The following TLCD4 variants were observed in gnomAD, a reference collection of about 807,000 sequenced individuals.
TLCD4 encodes the protein TLC domain containing 4.
In TLCD4, 7 loss-of-function variants were observed where a neutral mutation model predicts 24.2. That is an observed-to-expected ratio of 0.29 (90% CI 0.16 to 0.54). The LOEUF (loss-of-function observed/expected upper bound fraction) is 0.54. Ranked by LOEUF, TLCD4 falls within the 20% of genes least tolerant of loss-of-function variation. TLCD4 has a pLI of 0.95. For synonymous variants in TLCD4, 103 were observed against 106.4 expected (o/e 0.97, Z 0.20); for missense variants, 259 against 313.9 (o/e 0.82, Z 1.32).
chr1:95,171,639 G>A (rs1428889368), intron 5 of TLCD4, among the ~76,000 whole-genome samples: 2 of 152,022 alleles, frequency 1.3e-5, no homozygotes, highest in Non-Finnish European at 2.9e-5. Context: ...AGTTATTATT[G>A]TATATGGAAA....
chr1:95,123,018 A>G (rs1180011497), intron 1 of TLCD4, among the ~76,000 whole-genome samples: 1 of 151,874 alleles, frequency 6.6e-6, no homozygotes. Context: ...GTGTTGCCCC[A>G]GGCTGGTCTT....
chr1:95,151,825 AGTAG>A (rs1242945312), intron 5 of TLCD4, among the ~76,000 whole-genome samples: 1 of 152,150 alleles, frequency 6.6e-6, no homozygotes, highest in Non-Finnish European at 1.5e-5. Context: ...ATTACATTTA[AGTAG>A]GTTGGAGCAG....
chr1:95,190,093 TTTC>T (rs966896943), intron 6 of TLCD4, among the ~76,000 whole-genome samples: 1 of 10,354 alleles, frequency 9.7e-5, no homozygotes, highest in African/African-American at 2.2e-4. Flanking sequence ...AAATTTGCAC[TTTC>T]TTTTTTTTTT....
intron 5 of TLCD4, among the ~76,000 whole-genome samples, chr1:95,159,597 TG>T (rs1677726942): frequency 1.3e-5 from 2 of 152,220 alleles, no homozygotes; most frequent in Admixed American, 1.3e-4. Flanking sequence ...ATGTCCTGAA[TG>T]GTATTGCCTA....
At chr1:95,109,966 CACAA>C in the TLCD4 span, among the ~76,000 whole-genome samples, 2 of 131,516 alleles carry the variant, frequency 1.5e-5, no homozygotes, top group African/African-American at 5.7e-5. Context: ...TATACACACA[CACAA>C]ACAATTTTGG....
At chr1:95,161,477 GA>G (rs1557688905) in intron 5 of TLCD4, among the ~76,000 whole-genome samples, 1 of 152,016 alleles carries the variant, frequency 6.6e-6, no homozygotes, top group African/African-American at 2.4e-5. Context: ...TTGATTTTTT[GA>G]AGGGTTTTTG....
chr1:95,174,601 T>C (rs1194344115), intron 6 of TLCD4, among the ~76,000 whole-genome samples: 1 of 151,830 alleles, frequency 6.6e-6, no homozygotes, highest in Admixed American at 6.6e-5. Flanking sequence ...GGCGGAAGGA[T>C]TGCATGAGTC....
rs1678868388 is a variant in TLCD4 at position 95,187,500 on chromosome 1, G to GT, written c.474-4045dup. On this transcript the variant is annotated intron_variant, in intron 6 of 6. Coordinates refer to ENST00000370203, the MANE Select transcript of TLCD4 (RefSeq NM_152487.3). ...GTCCCTCAATTTGGGTTTGTCTGAT[G>GT]TTTTTCTCATGATTACACTGGGGAT... 2.6e-5 allele frequency among the ~76,000 whole-genome samples: 4 copies of GT among 152,058 alleles called. No individual in the cohort carries two copies. In the South Asian group the frequency reaches 8.3e-4, roughly 32 times the overall value.
At chr1:95,111,827 A>ATT in the TLCD4 span, among the ~76,000 whole-genome samples, 1 of 152,148 alleles carries the variant, frequency 6.6e-6, no homozygotes, top group Non-Finnish European at 1.5e-5. Flanking sequence ...CCACCCTAAC[A>ATT]TTGCCACTAT....
At chr1:95,185,478 C>G (rs913145481) in intron 6 of TLCD4, among the ~76,000 whole-genome samples, 7 of 152,158 alleles carry the variant, frequency 4.6e-5, no homozygotes, top group Non-Finnish European at 8.8e-5. Flanking sequence ...ACTGACACAT[C>G]TATTTTTTTC....
At chr1:95,096,005 A>G in the TLCD4 span, among the ~76,000 whole-genome samples, 1 of 152,248 alleles carries the variant, frequency 6.6e-6, no homozygotes, top group Non-Finnish European at 1.5e-5. Context: ...CAGATGTGAA[A>G]CCATTCAAGA....
the TLCD4 span, among the ~76,000 whole-genome samples, chr1:95,105,549 C>G: frequency 1.3e-5 from 2 of 152,132 alleles, no homozygotes; most frequent in Non-Finnish European, 2.9e-5. Flanking sequence ...TTTCTAAATT[C>G]AGAAAATATT....
chr1:95,128,399 G>A lies in TLCD4; in HGVS notation c.-12+10782G>A, dbSNP rs144347105. Among the ~76,000 whole-genome samples the A allele has an allele frequency of 4.6e-5, 7 of 152,282 alleles. No homozygotes were observed. The East Asian group carries it at 1.3e-3, about 29-fold the overall frequency. On this transcript the variant is annotated intron_variant, in intron 1 of 6. Coordinates refer to ENST00000370203, the MANE Select transcript of TLCD4 (RefSeq NM_152487.3). The stretch of plus-strand genomic sequence containing the variant: ...AGTTGATGCAAAATAGATGAATTAT[G>A]TCAGATTTAATTTATTTTTAAATTA...
intron 2 of TLCD4, among the ~76,000 whole-genome samples, chr1:95,146,407 TGA>T (rs915497110): frequency 3.3e-5 from 5 of 152,182 alleles, no homozygotes; most frequent in African/African-American, 1.2e-4. Flanking sequence ...AAAATTTAGC[TGA>T]GTTATATAAT....
chr1:95,163,219 C>G (rs981965017), intron 5 of TLCD4: 5 of 152,072 alleles, frequency 3.3e-5, no homozygotes, highest in African/African-American at 1.2e-4. Flanking sequence ...TCTTTTTTCT[C>G]TAAACTCTTC....
chr1:95,168,339 T>G (rs958497613), intron 5 of TLCD4, among the ~76,000 whole-genome samples: 2 of 152,068 alleles, frequency 1.3e-5, no homozygotes, highest in Non-Finnish European at 2.9e-5. Flanking sequence ...TTACTTCTGT[T>G]ACAATGGTCC....
intron 6 of TLCD4, among the ~76,000 whole-genome samples, chr1:95,176,211 T>G (rs1678420459): frequency 6.6e-6 from 1 of 151,076 alleles, no homozygotes. Flanking sequence ...TTTTTTTTTT[T>G]GATGCAGTTT....
At chr1:95,170,483 C>T (rs1280960271) in intron 5 of TLCD4, among the ~76,000 whole-genome samples, 1 of 152,018 alleles carries the variant, frequency 6.6e-6, no homozygotes, top group African/African-American at 2.4e-5. Flanking sequence ...GCACCCGCCA[C>T]CACGCCTGGC....
chr1:95,174,378 G>A (rs1678342409), intron 6 of TLCD4, among the ~76,000 whole-genome samples: 1 of 151,662 alleles, frequency 6.6e-6, no homozygotes, highest in Admixed American at 6.6e-5. Context: ...AAATTTAAAA[G>A]GCTACTTTTA....
Sources: gnomAD v4.1 joint callset for allele counts (sites outside exome capture counted in the v4.1 genomes callset) on GRCh38, gnomAD v4.1.1 for gene constraint, MANE v1.5 for transcripts, NCBI Gene and HGNC (gene_info 2026-07-23, HGNC 2026-07-21) for gene names.